Variants in SUSD1 observed in about 807,000 individuals in gnomAD.
SUSD1 encodes the protein sushi domain-containing protein 1.
SUSD1 carries 65 observed loss-of-function variants against 86.9 expected under a neutral mutation model. The ratio of observed to expected loss-of-function variants is 0.75; its 90% CI spans 0.61 to 0.92. The LOEUF (loss-of-function observed/expected upper bound fraction) is 0.92. Among genes scored for constraint, SUSD1 ranks in the 40% least tolerant of loss-of-function variants. The pLI is 0.00. For synonymous variants in SUSD1, 346 were observed against 350.0 expected, an observed-to-expected ratio of 0.99 and a Z score of 0.13; for missense variants, 850 against 929.7, an observed-to-expected ratio of 0.91 and a Z score of 1.11.
chr9:112,117,494 C>A (rs537253875), intron 6 of SUSD1, among the ~76,000 whole-genome samples: 2 of 152,114 alleles, frequency 1.3e-5, no homozygotes, highest in South Asian at 2.1e-4. Flanking sequence ...AAAGTAAGAG[C>A]CTTTGTTTTG....
intron 10 of SUSD1, among the ~76,000 whole-genome samples, chr9:112,093,517 T>C (rs1830284092): frequency 6.6e-6 from 1 of 152,140 alleles, no homozygotes; most frequent in Admixed American, 6.6e-5. Flanking sequence ...TTCCAGCAAG[T>C]AGGAAGTTCC....
chr9:112,155,215 C>T (rs1833242774), intron 2 of SUSD1, among the ~76,000 whole-genome samples: 1 of 150,612 alleles, frequency 6.6e-6, no homozygotes, highest in South Asian at 2.1e-4. Context: ...CGCACCACCG[C>T]ACTTCAGTCT....
At chr9:112,102,685 T>C (rs1255991589) in intron 8 of SUSD1, among the ~76,000 whole-genome samples, 2 of 152,150 alleles carry the variant, frequency 1.3e-5, no homozygotes, top group African/African-American at 4.8e-5. Flanking sequence ...AGCCAGAAAG[T>C]CTGAGAATAA....
intron 1 of SUSD1, among the ~76,000 whole-genome samples, chr9:112,166,131 G>T (rs1833820126): frequency 6.6e-6 from 1 of 152,148 alleles, no homozygotes; most frequent in Non-Finnish European, 1.5e-5. Flanking sequence ...CAGACTATCT[G>T]CAGATGAGAA....
At chr9:112,064,047 G>T (rs1182141418) in intron 12 of SUSD1, among the ~76,000 whole-genome samples, 321 of 57,196 alleles carry the variant, frequency 5.6e-3, no homozygotes, top group African/African-American at 0.028. Context: ...TTCTTTTTTT[G>T]GGGGGGGGGC....
At chr9:112,142,239 C>T (rs772196187) in intron 5 of SUSD1, 81 bp downstream of exon 5, 79 of 1,234,724 alleles carry the variant, frequency 6.4e-5, no homozygotes, top group Non-Finnish European at 5.5e-5. Flanking sequence ...CATTTATTCC[C>T]TGAAACTGAA....
chr9:112,140,829 G>A (rs1350996326), intron 5 of SUSD1, among the ~76,000 whole-genome samples: 1 of 152,166 alleles, frequency 6.6e-6, no homozygotes, highest in African/African-American at 2.4e-5. Flanking sequence ...CTAGATAGTA[G>A]AGCCTGCTAC....
chr9:112,067,881 C>T (rs1416274113), intron 12 of SUSD1, among the ~76,000 whole-genome samples: 2 of 152,108 alleles, frequency 1.3e-5, no homozygotes, highest in Non-Finnish European at 2.9e-5. Flanking sequence ...AATAGATTCT[C>T]AAGACTGTAT....
At chr9:112,169,828 C>A (rs1833966743) in intron 1 of SUSD1, among the ~76,000 whole-genome samples, 1 of 152,016 alleles carries the variant, frequency 6.6e-6, no homozygotes, top group South Asian at 2.1e-4. Context: ...GTGTGGGCCA[C>A]CATGCCCCGC....
chr9:112,153,665 G>A (rs1002525108), intron 2 of SUSD1, among the ~76,000 whole-genome samples: 3 of 148,222 alleles, frequency 2.0e-5, no homozygotes, highest in African/African-American at 7.5e-5. Flanking sequence ...CCAGGCTGGA[G>A]TGCAATGGCG....
chr9:112,085,617 A>G (rs1233063327), intron 10 of SUSD1, among the ~76,000 whole-genome samples: 1 of 152,250 alleles, frequency 6.6e-6, no homozygotes, highest in African/African-American at 2.4e-5. Flanking sequence ...TTCAGAAAGA[A>G]AGATACTTAT....
Position 112,078,540 on chromosome 9 carries a change from G to A in SUSD1, c.1751C>T (p.Thr584Ile), listed in dbSNP as rs1275486132. 1.9e-6 allele frequency: 3 copies of A among 1,606,916 alleles called. No homozygotes were observed. Among genetic ancestry groups the A allele is most frequent in the East Asian group, 2.2e-5 (1 of 44,702 alleles). ...AAATGCTGTTATTCAAGATTTACCT[G>A]TTATCTGGGTTGTCAGGGAGATGAC... ...PVVISLTTQITEPPLPEVEFF... is the reference protein window; with the variant it reads ...PVVISLTTQIIEPPLPEVEFF... Residue 584 changes from threonine (T) to isoleucine (I), a missense_variant and splice_region_variant, in exon 12 of 17, where the codon ACA (threonine) becomes ATA (isoleucine). Thr to Ile is a moderately conservative substitution (Grantham distance 89). Transcript: ENST00000374270.
At chr9:112,086,325 A>T (rs190539394) in intron 10 of SUSD1, among the ~76,000 whole-genome samples, 8,027 of 150,566 alleles carry the variant, frequency 0.053, 754 homozygotes, top group African/African-American at 0.18. Context: ...AAAAAAAAAA[A>T]TCTGTTAAAT....
At chr9:112,061,133 T>G (rs1828705484) in intron 13 of SUSD1, among the ~76,000 whole-genome samples, 3 of 152,134 alleles carry the variant, frequency 2.0e-5, no homozygotes, top group Admixed American at 2.0e-4. Flanking sequence ...GACACGAGCA[T>G]TAAGGGAACC....
At position 112,078,811 on chromosome 9, in the gene SUSD1, C is replaced by CTTTTTTTT. The variant is rs71496739; in HGVS notation, c.1567-95_1567-88dup. ...ACCTCCCCTTTTCCTTTTTCTTTCTCTTTTTTTTTTTTTTTTTTTGAGATG... is the reference window on the plus strand; with the variant it reads ...ACCTCCCCTTTTCCTTTTTCTTTCTCTTTTTTTTTTTTTTTTTTTTTTTTTTTGAGATG... On this transcript the variant is annotated intron_variant, in intron 11 of 16. Coordinates refer to ENST00000374270, the MANE Select transcript of SUSD1 (RefSeq NM_022486.5). 1.2e-3 allele frequency: 771 copies of CTTTTTTTT among 640,972 alleles called. 4 individuals are homozygous for CTTTTTTTT. Among genetic ancestry groups the CTTTTTTTT allele is most frequent in the African/African-American group, 4.7e-3 (197 of 41,506 alleles). 39.7% of individuals were successfully genotyped at this position (640,972 alleles called of 1,614,324 possible). A position where few individuals can be genotyped will look rare whatever the true frequency, so the allele number is the denominator to read the frequency against.
At chr9:112,100,091 G>A (rs1386967412) in intron 9 of SUSD1, among the ~76,000 whole-genome samples, 2 of 152,196 alleles carry the variant, frequency 1.3e-5, no homozygotes, top group Admixed American at 6.5e-5. Flanking sequence ...TAGGCAATAC[G>A]TCTATTTTCT....
intron 10 of SUSD1, among the ~76,000 whole-genome samples, chr9:112,088,471 A>C (rs192979152): frequency 4.3e-4 from 65 of 152,354 alleles, no homozygotes; most frequent in Non-Finnish European, 1.5e-4. Flanking sequence ...GCAATAAATG[A>C]ATTAAAGTAT....
intron 9 of SUSD1, 107 bp from the exon 10 acceptor site, chr9:112,098,769 C>G: frequency 1.9e-6 from 2 of 1,026,972 alleles, no homozygotes; most frequent in Non-Finnish European, 2.9e-6. Context: ...TTTTATTTAT[C>G]CTTGCCCACT....
chr9:112,043,958 G>A (rs988483608), intron 15 of SUSD1, among the ~76,000 whole-genome samples: 1 of 151,890 alleles, frequency 6.6e-6, no homozygotes, highest in Non-Finnish European at 1.5e-5. Flanking sequence ...ACTCCACCAC[G>A]CCCGGCTAGT....
Sources: gnomAD v4.1 joint callset for allele counts (sites outside exome capture counted in the v4.1 genomes callset) on GRCh38, gnomAD v4.1.1 for gene constraint, MANE v1.5 for transcripts, NCBI Gene and HGNC (gene_info 2026-07-23, HGNC 2026-07-21) for gene names.